The following CENPP variants were observed in gnomAD, a reference collection of about 807,000 sequenced individuals.
CENPP encodes centromere protein P.
In CENPP, 24 loss-of-function variants were observed where a neutral mutation model predicts 35.6. The observed-to-expected ratio is 0.67, with a 90% CI of 0.49 to 0.95. The LOEUF (loss-of-function observed/expected upper bound fraction) is 0.95, where lower values mean the gene tolerates loss of function less well. CENPP is among the 40% of genes least tolerant of loss of function. The pLI is 0.00. For synonymous variants in CENPP, 120 were observed against 125.5 expected, an observed-to-expected ratio of 0.96 and a Z score of 0.29; for missense variants, 332 against 345.3, an observed-to-expected ratio of 0.96 and a Z score of 0.31.
chr9:92,517,524 A>G (rs1219995000), intron 5 of CENPP: 2 of 913,712 alleles, frequency 2.2e-6, no homozygotes, highest in Non-Finnish European at 3.3e-6. Context: ...CCCCTACCAT[A>G]CATTTTCCCA....
rs536939419 is a variant in CENPP at position 92,474,647 on chromosome 9, C to T, written c.564+94788C>T. The T allele has an allele frequency of 3.3e-5, 53 of 1,613,140 alleles. No homozygotes were observed. The Admixed American group carries it at 4.2e-4, about 13-fold the overall frequency. On this transcript the variant is annotated intron_variant, in intron 5 of 7. Transcript: ENST00000375587. The stretch of plus-strand genomic sequence containing the variant: ...ACCTAAATCTGAGCAATGTACAACT[C>T]GTGAATAGCACTGACATCCAAATGG...
intron 5 of CENPP, among the ~76,000 whole-genome samples, chr9:92,546,860 A>C (rs570022807): frequency 6.6e-6 from 1 of 152,324 alleles, no homozygotes; most frequent in East Asian, 1.9e-4. Context: ...ACTATTGAGG[A>C]TATTGAGTTC....
intron 5 of CENPP, among the ~76,000 whole-genome samples, chr9:92,532,664 A>C (rs986282607): frequency 6.6e-6 from 1 of 151,984 alleles, no homozygotes; most frequent in Non-Finnish European, 1.5e-5. Context: ...TGTATTTTCT[A>C]GTTTTCAGGT....
chr9:92,410,310 G>T (rs1407725680), intron 5 of CENPP, among the ~76,000 whole-genome samples: 2 of 152,190 alleles, frequency 1.3e-5, no homozygotes, highest in African/African-American at 2.4e-5. Context: ...AAAAATGATT[G>T]TTAATCTGTC....
At chr9:92,456,813 T>C in intron 5 of CENPP, 1 of 295,088 alleles carries the variant, frequency 3.4e-6, no homozygotes, top group Non-Finnish European at 5.0e-6. Context: ...ATTAAAAATA[T>C]TACAGTACTA....
rs1277911579 is a variant in CENPP, at chr9:92,593,909, A to G, written c.565-17405A>G. 1.3e-5 allele frequency among the ~76,000 whole-genome samples: 2 copies of G among 152,204 alleles called. No individual in the cohort carries two copies. The highest frequency in any genetic ancestry group is 3.8e-4 in the East Asian group (2 of 5,200). On this transcript the variant is annotated intron_variant, in intron 5 of 7. Transcript: ENST00000375587. The surrounding 1 kb of genome is among the most constrained non-coding windows in gnomAD (Gnocchi z 4.1). ...GGTACACTTTGCTACCTTTCTCACGAATCTCAAAGGTAATATGATATCCTG... is the reference window on the plus strand; with the variant it reads ...GGTACACTTTGCTACCTTTCTCACGGATCTCAAAGGTAATATGATATCCTG...
At chr9:92,492,414 G>A (rs72754423) in intron 5 of CENPP, among the ~76,000 whole-genome samples, 4,735 of 152,282 alleles carry the variant, frequency 0.031, 114 homozygotes, top group South Asian at 0.084. Flanking sequence ...GGAGGTGTCC[G>A]TGACAACTAG....
chr9:92,504,166 G>C (rs995714414), intron 5 of CENPP, among the ~76,000 whole-genome samples: 29 of 152,018 alleles, frequency 1.9e-4, no homozygotes, highest in African/African-American at 7.0e-4. Context: ...TTCATTTCTG[G>C]CCCTGTCCCA....
intron 5 of CENPP, among the ~76,000 whole-genome samples, chr9:92,524,604 C>G (rs1202586764): frequency 6.6e-6 from 1 of 152,146 alleles, no homozygotes; most frequent in East Asian, 1.9e-4. Flanking sequence ...ATACCCCTTG[C>G]AGCTTTCCTC....
chr9:92,553,808 C>T (rs1405187295), intron 5 of CENPP, among the ~76,000 whole-genome samples: 1 of 152,098 alleles, frequency 6.6e-6, no homozygotes, highest in Non-Finnish European at 1.5e-5. Flanking sequence ...GTTCTAGGAG[C>T]TTTCTGGAGG....
intron 1 of CENPP, 151 bp from the exon 2 acceptor site, chr9:92,332,019 A>AT (rs954037862): frequency 5.8e-5 from 26 of 450,914 alleles, no homozygotes; most frequent in African/African-American, 8.2e-5. Flanking sequence ...ATTCTTTTTA[A>AT]TTTTTTAATT....
intron 5 of CENPP, among the ~76,000 whole-genome samples, chr9:92,479,866 T>C (rs1479116560): frequency 4.6e-5 from 7 of 152,158 alleles, no homozygotes; most frequent in Non-Finnish European, 1.0e-4. Context: ...TACAATCAAG[T>C]ATAGGTCCTA....
intron 5 of CENPP, among the ~76,000 whole-genome samples, chr9:92,514,112 G>A (rs1847528724): frequency 6.8e-6 from 1 of 146,300 alleles, no homozygotes; most frequent in Non-Finnish European, 1.5e-5. Flanking sequence ...ACAGAGCAAT[G>A]AGAATCGTTC....
intron 5 of CENPP, among the ~76,000 whole-genome samples, chr9:92,446,490 G>A (rs555645127): frequency 3.9e-5 from 6 of 152,284 alleles, no homozygotes; most frequent in Admixed American, 3.3e-4. Flanking sequence ...ATATAACAGT[G>A]TATCTCTAAA....
rs373272182 is a variant in CENPP, at chr9:92,331,348, T to G, written c.108-822T>G. Among the ~76,000 whole-genome samples the G allele has an allele frequency of 6.6e-5, 10 of 151,664 alleles. No individual in the cohort carries two copies. In the South Asian group the frequency reaches 1.9e-3, roughly 28 times the overall value. ...GGCGCCTGCCACCACGCCTGGCAAA[T>G]TTTTTGTATATTTAGTAGACATGGG... On this transcript the variant is annotated intron_variant, in intron 1 of 7. Coordinates refer to ENST00000375587, the MANE Select transcript of CENPP (RefSeq NM_001012267.3).
rs193278744 is a variant in CENPP, at chr9:92,618,401, A to C, written c.*5252A>C. On this transcript the variant is annotated 3_prime_UTR_variant, in exon 8 of 8. Transcript: ENST00000375587. The stretch of plus-strand genomic sequence containing the variant: ...GCTTTCCAATTTGACATCACTGACC[A>C]GGCACTAAGAGATTCCCAGGTGCTA... The C allele has an allele frequency of 2.2e-6, 1 of 456,514 alleles. No homozygotes were observed. Among genetic ancestry groups the C allele is most frequent in the Non-Finnish European group, 4.4e-6 (1 of 226,962 alleles). The allele number at this position is 456,514 out of a possible 1,614,324, so 28.3% of individuals were successfully genotyped here. A position where few individuals can be genotyped will look rare whatever the true frequency, so the allele number is the denominator to read the frequency against.
Position 92,618,722 on chromosome 9 carries a change from G to A in CENPP, c.*5573G>A. On this transcript the variant is annotated 3_prime_UTR_variant, in exon 8 of 8. Transcript: ENST00000375587. ...TAATGTTCCTCAGTATTTCATATTGGAAAGTAAACAATTCTGTGCCTGCCA... is the reference window on the plus strand; with the variant it reads ...TAATGTTCCTCAGTATTTCATATTGAAAAGTAAACAATTCTGTGCCTGCCA... 1 of 366,450 alleles carries A rather than the reference G, an allele frequency of 2.7e-6. No homozygotes were observed. Among genetic ancestry groups the A allele is most frequent in the East Asian group, 7.4e-5 (1 of 13,520 alleles). The allele number at this position is 366,450 out of a possible 1,614,324, so 22.7% of individuals were successfully genotyped here.
chr9:92,341,953 G>A (rs975174686), intron 3 of CENPP, among the ~76,000 whole-genome samples: 21 of 152,216 alleles, frequency 1.4e-4, no homozygotes, highest in African/African-American at 4.8e-4. Flanking sequence ...GTTGAGCTGT[G>A]CCAGACAGAA....
In CENPP at chr9:92,593,566, A is replaced by C. The variant is rs1343370897; in HGVS notation, c.565-17748A>C. Among the ~76,000 whole-genome samples the C allele has an allele frequency of 6.6e-6, 1 of 152,222 alleles. No homozygotes were observed. The highest frequency in any genetic ancestry group is 2.1e-4 in the South Asian group (1 of 4,832). ...TCATGGATGATCTGTACAGAAATGA[A>C]TAAATGAAAGAGTGGTGTTTGCTAC... On this transcript the variant is annotated intron_variant, in intron 5 of 7. Coordinates refer to ENST00000375587, the MANE Select transcript of CENPP (RefSeq NM_001012267.3). This position sits in a 1 kb window ranked among gnomAD's most constrained non-coding sequence, Gnocchi z 4.1.
Sources: allele counts gnomAD v4.1 joint callset (sites outside exome capture counted in the v4.1 genomes callset), GRCh38; gene constraint gnomAD v4.1.1; non-coding constraint Gnocchi (gnomAD v3.1); transcripts MANE v1.5; gene names NCBI Gene and HGNC (gene_info 2026-07-23, HGNC 2026-07-21).